Variants in LMNTD1 observed in about 807,000 individuals in gnomAD.
LMNTD1 encodes the protein lamin tail domain-containing protein 1.
In LMNTD1, 35 loss-of-function variants were observed where a neutral mutation model predicts 50.9. That is an observed-to-expected ratio of 0.69 (90% CI 0.53 to 0.91). The LOEUF is 0.91. LMNTD1 is among the 40% of genes least tolerant of loss of function. The pLI is 0.00. For missense variants in LMNTD1, 470 were observed against 475.5 expected (o/e 0.99, Z 0.11); for synonymous variants, 153 against 161.9 (o/e 0.94, Z 0.42).
intron 8 of LMNTD1, among the ~76,000 whole-genome samples, chr12:25,508,859 C>A (rs113930438): frequency 3.3e-5 from 5 of 151,990 alleles, no homozygotes; most frequent in East Asian, 1.9e-4. Flanking sequence ...AAATATCATT[C>A]GTCAGATTAA....
chr12:25,640,434 A>G (rs529184495), intron 1 of LMNTD1, among the ~76,000 whole-genome samples: 20 of 151,672 alleles, frequency 1.3e-4, no homozygotes, highest in African/African-American at 4.4e-4. Context: ...TGAGCCCAGG[A>G]GGTGGAGGTT....
chr12:25,507,068 G>C (rs1208902417), intron 8 of LMNTD1, among the ~76,000 whole-genome samples: 2 of 151,910 alleles, frequency 1.3e-5, no homozygotes, highest in Admixed American at 1.3e-4. Flanking sequence ...TAGAGACAGG[G>C]TTTCACCATG....
Position 25,553,144 on chromosome 12 carries a change from C to A in LMNTD1, c.-106G>T. 4 of 1,610,540 alleles carry A rather than the reference C, an allele frequency of 2.5e-6. No individual in the cohort carries two copies. The highest frequency in any genetic ancestry group is 3.4e-6 in the Non-Finnish European group (4 of 1,179,394). ...CCAAACTAGTACCAGAACCACAATT[C>A]TCATGAGGATATGTAAGTACCAACA... On this transcript the variant is annotated 5_prime_UTR_variant, in exon 1 of 10. Coordinates refer to ENST00000458174, the MANE Select transcript of LMNTD1 (RefSeq NM_001145728.2).
chr12:25,608,826 T>C (rs1248409831), intron 1 of LMNTD1, among the ~76,000 whole-genome samples: 3 of 152,120 alleles, frequency 2.0e-5, no homozygotes. Context: ...GAGGAGTATG[T>C]TTGTGGCATT....
chr12:25,620,552 T>G (rs1946449809), intron 1 of LMNTD1, among the ~76,000 whole-genome samples: 1 of 152,212 alleles, frequency 6.6e-6, no homozygotes, highest in African/African-American at 2.4e-5. Flanking sequence ...TAGCTTTTCT[T>G]GCCACATCAA....
At chr12:25,628,639 C>A (rs1946647389) in intron 1 of LMNTD1, among the ~76,000 whole-genome samples, 1 of 152,120 alleles carries the variant, frequency 6.6e-6, no homozygotes, top group Non-Finnish European at 1.5e-5. Context: ...TCATAGGAGT[C>A]CTCATGAGAG....
intron 1 of LMNTD1, among the ~76,000 whole-genome samples, chr12:25,620,734 C>T (rs1946455504): frequency 6.6e-6 from 1 of 152,224 alleles, no homozygotes; most frequent in Non-Finnish European, 1.5e-5. Context: ...CCCCGCTTCT[C>T]TCCTAAAGCC....
chr12:25,531,333 A>G (rs1283600042), intron 4 of LMNTD1, among the ~76,000 whole-genome samples: 1 of 152,220 alleles, frequency 6.6e-6, no homozygotes, highest in Non-Finnish European at 1.5e-5. Flanking sequence ...TTATGGCAGC[A>G]ATAGGACACT....
intron 9 of LMNTD1, among the ~76,000 whole-genome samples, chr12:25,484,150 T>G (rs1938534842): frequency 6.6e-6 from 1 of 152,060 alleles, no homozygotes; most frequent in Non-Finnish European, 1.5e-5. Flanking sequence ...TTTATCCAAT[T>G]AGAGCTTTCA....
chr12:25,543,626 T>C (rs35125159), intron 4 of LMNTD1, among the ~76,000 whole-genome samples: 14,880 of 151,612 alleles, frequency 0.098, 899 homozygotes, highest in East Asian at 0.2. Flanking sequence ...TCTACTAATT[T>C]TCAGTTTGTT....
intron 1 of LMNTD1, among the ~76,000 whole-genome samples, chr12:25,631,445 G>A (rs373216447): frequency 6.6e-6 from 1 of 152,308 alleles, no homozygotes; most frequent in East Asian, 1.9e-4. Flanking sequence ...CCACAGCTGA[G>A]AGACCCATAG....
intron 7 of LMNTD1, among the ~76,000 whole-genome samples, chr12:25,519,381 T>C (rs1941076899): frequency 9.9e-6 from 1 of 101,244 alleles, no homozygotes. Context: ...CACAAGGAGA[T>C]CGAGACCATC....
At chr12:25,606,016 T>G (rs1168193) in intron 1 of LMNTD1, among the ~76,000 whole-genome samples, 1 of 152,130 alleles carries the variant, frequency 6.6e-6, no homozygotes, top group Non-Finnish European at 1.5e-5. Flanking sequence ...CATTGAGCAG[T>G]GGTTTGTAGT....
chr12:25,637,951 C>T (rs1427208357), intron 1 of LMNTD1, among the ~76,000 whole-genome samples: 1 of 151,918 alleles, frequency 6.6e-6, no homozygotes, highest in African/African-American at 2.4e-5. Flanking sequence ...CAAAAATGCT[C>T]AACAAAATGC....
intron 4 of LMNTD1, among the ~76,000 whole-genome samples, chr12:25,540,702 C>T (rs1943003030): frequency 7.0e-6 from 1 of 141,986 alleles, no homozygotes; most frequent in African/African-American, 2.6e-5. Context: ...TCCTATTCAA[C>T]ATAGTGTTGG....
chr12:25,627,024 T>C (rs1946605108), intron 1 of LMNTD1, among the ~76,000 whole-genome samples: 1 of 152,160 alleles, frequency 6.6e-6, no homozygotes, highest in African/African-American at 2.4e-5. Flanking sequence ...TAAAAAAGGA[T>C]CTATTCCACA....
intron 8 of LMNTD1, among the ~76,000 whole-genome samples, chr12:25,513,858 G>A (rs569260731): frequency 3.0e-4 from 46 of 152,092 alleles, no homozygotes; most frequent in African/African-American, 1.0e-3. Context: ...ATCTACAAAC[G>A]ATATACAAGA....
At chr12:25,490,790 A>G (rs945485941) in intron 9 of LMNTD1, among the ~76,000 whole-genome samples, 3 of 152,156 alleles carry the variant, frequency 2.0e-5, no homozygotes, top group African/African-American at 7.2e-5. Flanking sequence ...GCTTCTCTAA[A>G]TCTGATGTGC....
chr12:25,579,727 C>G lies in LMNTD1; in HGVS notation c.59-33173G>C, dbSNP rs114603093. ...TTGCTCAAGCCAAGAGCTTTGGACT[C>G]ATTCTTGATTCCTCCTTTCCCTCTC... On this transcript the variant is annotated intron_variant, in intron 1 of 7. Coordinates refer to the LMNTD1 transcript ENST00000445693. Among the ~76,000 whole-genome samples, 956 of 152,238 alleles carry G rather than the reference C, an allele frequency of 6.3e-3. 14 individuals carry two copies. Among genetic ancestry groups the G allele is most frequent in the African/African-American group, 0.022 (908 of 41,548 alleles).
Sources: allele counts gnomAD v4.1 joint callset (sites outside exome capture counted in the v4.1 genomes callset), GRCh38; gene constraint gnomAD v4.1.1; transcripts MANE v1.5; gene names NCBI Gene and HGNC (gene_info 2026-07-23, HGNC 2026-07-21).